DNTTIP2: variants seen among roughly 807,000 people sequenced by gnomAD.
DNTTIP2 encodes deoxynucleotidyltransferase terminal-interacting protein 2.
In DNTTIP2, 47 loss-of-function variants were observed where a neutral mutation model predicts 62.4. The ratio of observed to expected loss-of-function variants is 0.75; its 90% confidence interval spans 0.60 to 0.96. DNTTIP2 has a LOEUF of 0.96. Ranked by LOEUF, DNTTIP2 falls within the 40% of genes least tolerant of loss-of-function variation. DNTTIP2 has a pLI of 0.00. For missense variants in DNTTIP2, 870 were observed against 849.1 expected (o/e 1.02, Z -0.31); for synonymous variants, 322 against 300.9 (o/e 1.07, Z -0.73).
chr1:93,867,128 CGA>C lies in DNTTIP2; in HGVS notation c.*2721_*2722del, dbSNP rs1255402122. On this transcript the variant is annotated 3_prime_UTR_variant, in exon 7 of 7. Coordinates refer to ENST00000436063, the MANE Select transcript of DNTTIP2 (RefSeq NM_014597.5). ...CTACACTCCAGCCTGGGCGACAGAG[CGA>C]GAGTCCGTCTCTCAAAAAAAAAAAA... is the stretch of plus-strand genomic sequence containing the variant. 8.5e-6 allele frequency: 1 copy of C among 117,536 alleles called. No homozygotes were observed. The highest frequency in any genetic ancestry group is 1.6e-5 in the Non-Finnish European group (1 of 61,744). The allele number at this position is 117,536 out of a possible 1,614,324, so 7.3% of individuals were successfully genotyped here. A position where few individuals can be genotyped will look rare whatever the true frequency, so the allele number is the denominator to read the frequency against.
intron 5 of DNTTIP2, among the ~76,000 whole-genome samples, 162 bp downstream of exon 5, chr1:93,871,910 T>C (rs139241364): frequency 5.9e-5 from 9 of 152,310 alleles, no homozygotes; most frequent in African/African-American, 1.7e-4. Context: ...AGTGGCTGAA[T>C]TGGGTAATGG....
chr1:93,876,875 G>A lies in DNTTIP2; in HGVS notation c.1060C>T (p.Leu354=). Residue 354 remains leucine (L), a synonymous_variant, in exon 2 of 7, where the codon CTG becomes TTG. Transcript: ENST00000436063. ...NKNAVSVHSN[L]NSEAVMKSLT... ...GATTTCATTACAGCCTCAGAGTTCA[G>A]ATTAGAGTGCACTGATACAGCATTT... 6.2e-7 allele frequency: 1 copy of A among 1,613,964 alleles called. No homozygotes were observed. Among genetic ancestry groups the A allele is most frequent in the Non-Finnish European group, 8.5e-7 (1 of 1,179,864 alleles).
At position 93,879,090 on chromosome 1, in the gene DNTTIP2, C is replaced by T; in HGVS notation, c.59G>A (p.Ser20Asn). Residue 20 changes from serine (S) to asparagine (N), a missense_variant, in exon 1 of 7, where the codon AGT becomes AAT. By Grantham distance (46) the Ser-to-Asn change is conservative (BLOSUM62 1). Transcript: ENST00000436063. ...TGGATTTCCTACCTTTTGCCCGGAA[C>T]TTTCAGCCGACGCGGCTTGGATGCT... ...KASIQAASAE[S>N]SGQKSFAANG... 1 of 1,613,804 alleles carries T rather than the reference C, an allele frequency of 6.2e-7. No individual in the cohort carries two copies. The highest frequency in any genetic ancestry group is 8.5e-7 in the Non-Finnish European group (1 of 1,179,888).
intron 3 of DNTTIP2, among the ~76,000 whole-genome samples, chr1:93,873,526 C>T (rs1571183615): frequency 6.6e-6 from 1 of 151,680 alleles, no homozygotes; most frequent in African/African-American, 2.4e-5. Context: ...CACTTGAGGC[C>T]AGGAGCTTGA....
chr1:93,871,662 A>G (rs986686352), intron 5 of DNTTIP2, among the ~76,000 whole-genome samples: 4 of 152,224 alleles, frequency 2.6e-5, no homozygotes, highest in East Asian at 3.8e-4. Flanking sequence ...ATCCTATGTC[A>G]TAATTCATCA....
Position 93,869,940 on chromosome 1 carries a change from T to C in DNTTIP2, c.2182A>G (p.Asn728Asp), listed in dbSNP as rs754012760. 1.3e-6 allele frequency: 1 copy of C among 777,698 alleles called. No individual in the cohort carries two copies. The highest frequency in any genetic ancestry group is 1.7e-5 in the Admixed American group (1 of 58,472). 48.2% of individuals were successfully genotyped at this position (777,698 alleles called of 1,614,324 possible). A position where few individuals can be genotyped will look rare whatever the true frequency, so the allele number is the denominator to read the frequency against. Residue 728 changes from asparagine to aspartate, a missense_variant, in exon 7 of 7, where the codon AAC becomes GAC. Asn to Asp is a conservative substitution (Grantham distance 23, BLOSUM62 1). Transcript: ENST00000436063. ...ATGATCTCTGAGTACTTCCTTCGGT[T>C]GTATCTGAAAAAGAAAAATCAGAAC... The part of the protein sequence containing the change: ...LLADSEFRRY[N>D]RRKYSEIMAE...
intron 6 of DNTTIP2, among the ~76,000 whole-genome samples, chr1:93,870,334 T>G (rs747152193): frequency 6.6e-6 from 1 of 152,132 alleles, no homozygotes; most frequent in Non-Finnish European, 1.5e-5. Context: ...GTTTTCAAAG[T>G]GTGGTCTGTG....
chr1:93,875,171 T>G (rs1655967560), intron 3 of DNTTIP2, among the ~76,000 whole-genome samples: 1 of 152,156 alleles, frequency 6.6e-6, no homozygotes, highest in South Asian at 2.1e-4. Flanking sequence ...AAAATATAGA[T>G]TTAGGAGAAA....
intron 3 of DNTTIP2, 135 bp from the exon 4 acceptor site, chr1:93,873,349 G>C: frequency 1.7e-6 from 1 of 601,236 alleles, no homozygotes; most frequent in Non-Finnish European, 2.9e-6. Flanking sequence ...CTAGTGCTTT[G>C]AGGAGGCCAA....
At chr1:93,873,351 G>A (rs766809888) in intron 3 of DNTTIP2, 137 bp from the exon 4 acceptor site, 54 of 581,650 alleles carry the variant, frequency 9.3e-5, no homozygotes, top group Middle Eastern at 4.5e-4. Flanking sequence ...AGTGCTTTGA[G>A]GAGGCCAAGG....
Position 93,877,850 on chromosome 1 carries a change from T to G in DNTTIP2, c.85A>C (p.Asn29His), listed in dbSNP as rs1458559019. 12 of 1,600,318 alleles carry G rather than the reference T, an allele frequency of 7.5e-6. No individual in the cohort carries two copies. Among genetic ancestry groups the G allele is most frequent in the Non-Finnish European group, 9.3e-6 (11 of 1,179,456 alleles). Reference sequence around the variant, plus strand: ...CTTTCTGGATGCGCTTGAATCCCATTAGCAGCAAAACTCTGCAAACCAGAG... The same window carrying G: ...CTTTCTGGATGCGCTTGAATCCCATGAGCAGCAAAACTCTGCAAACCAGAG... ...ESSGQKSFAA[N>H]GIQAHPESST... is the part of the protein sequence containing the mutation. The change falls in exon 2 of 7, where the codon AAT (asparagine) becomes CAT (histidine). Residue 29 changes from asparagine to histidine, a missense_variant. Coordinates refer to ENST00000436063, the MANE Select transcript of DNTTIP2 (RefSeq NM_014597.5).
intron 3 of DNTTIP2, among the ~76,000 whole-genome samples, chr1:93,873,659 C>T (rs764832856): frequency 6.8e-6 from 1 of 146,940 alleles, no homozygotes; most frequent in African/African-American, 2.5e-5. Context: ...AGGCCAGGCA[C>T]GATGGCTCAT....
At chr1:93,873,474 C>T (rs1454519325) in intron 3 of DNTTIP2, 1 of 310,284 alleles carries the variant, frequency 3.2e-6, no homozygotes, top group East Asian at 9.2e-5. Flanking sequence ...TGGTGGCACA[C>T]ACCTGTAGTC....
At chr1:93,870,900 C>T (rs1207731260) in intron 5 of DNTTIP2, 108 bp from the exon 6 acceptor site, 1 of 494,644 alleles carries the variant, frequency 2.0e-6, no homozygotes, top group East Asian at 3.4e-5. Flanking sequence ...AACAAGCTTA[C>T]ATTACACTAA....
At chr1:93,872,360 A>C in intron 4 of DNTTIP2, 124 bp from the exon 5 acceptor site, 1 of 922,222 alleles carries the variant, frequency 1.1e-6, no homozygotes, top group Non-Finnish European at 1.6e-6. Context: ...CTTTATTGAA[A>C]GCACTTAAAT....
intron 5 of DNTTIP2, 27 bp downstream of exon 5, chr1:93,872,045 A>T: frequency 1.9e-6 from 3 of 1,610,922 alleles, no homozygotes; most frequent in Non-Finnish European, 2.5e-6. Context: ...TTCACAGATC[A>T]TCACCACTAT....
At chr1:93,873,254 TGTTATATAA>T (rs1241807874) in intron 3 of DNTTIP2, 40 bp from the exon 4 acceptor site, 17 of 1,476,594 alleles carry the variant, frequency 1.2e-5, no homozygotes, top group Non-Finnish European at 1.6e-5. Context: ...AATGTCAGAA[TGTTATATAA>T]GTTTTTCAAC....
At position 93,875,696 on chromosome 1, in the gene DNTTIP2, T is replaced by C. The variant is rs368806814; in HGVS notation, c.1755A>G (p.Leu585=). The C allele has an allele frequency of 2.8e-5, 45 of 1,613,482 alleles. No homozygotes were observed. The highest frequency in any genetic ancestry group is 3.7e-5 in the Non-Finnish European group (44 of 1,179,772). ...GLYINFNADK[L]QSNKRTLTQI... ...GTGTTAGGGTTCTCTTGTTAGACTGTAGTTTATCTGCATTAAAATTAATAT... is the reference window on the plus strand; with the variant it reads ...GTGTTAGGGTTCTCTTGTTAGACTGCAGTTTATCTGCATTAAAATTAATAT... Residue 585 remains leucine (L), a synonymous_variant, in exon 3 of 7, where the codon CTA becomes CTG. Coordinates refer to ENST00000436063, the MANE Select transcript of DNTTIP2 (RefSeq NM_014597.5).
In DNTTIP2 at chr1:93,870,756, G is replaced by T; in HGVS notation, c.2104C>A (p.His702Asn). ...TIVDNPADFY[H>N]SRIPKKQRKR... ...CTTTGCTTCTTGGGAATTCGTGAATGGTAGAAATCAGCTGGATTGTCAACA... is the reference window on the plus strand; with the variant it reads ...CTTTGCTTCTTGGGAATTCGTGAATTGTAGAAATCAGCTGGATTGTCAACA... The change falls in exon 6 of 7, where the codon CAT becomes AAT. Residue 702 changes from histidine to asparagine, a missense_variant. His to Asn is a moderately conservative substitution (Grantham distance 68). Coordinates refer to ENST00000436063, the MANE Select transcript of DNTTIP2 (RefSeq NM_014597.5). 6.4e-7 allele frequency: 1 copy of T among 1,568,314 alleles called. No homozygotes were observed.
Sources: gnomAD v4.1 joint callset for allele counts (sites outside exome capture counted in the v4.1 genomes callset) on GRCh38, gnomAD v4.1.1 for gene constraint, MANE v1.5 for transcripts, NCBI Gene and HGNC (gene_info 2026-07-23, HGNC 2026-07-21) for gene names.